Variants in ACTN2 observed in about 807,000 individuals in gnomAD.
The protein encoded by ACTN2 is actinin alpha 2.
ACTN2 carries 39 observed loss-of-function variants against 113.8 expected under a neutral mutation model. That is an observed-to-expected ratio of 0.34 (90% CI 0.27 to 0.45). The LOEUF is 0.45. ACTN2 is among the 20% of genes least tolerant of loss of function. The pLI is 1.00. For synonymous variants in ACTN2, 429 were observed against 444.1 expected, an observed-to-expected ratio of 0.97 and a Z score of 0.43; for missense variants, 992 against 1,177.9, an observed-to-expected ratio of 0.84 and a Z score of 2.31.
intron 12 of ACTN2, 21 bp downstream of exon 12, chr1:236,744,797 T>C (rs1281431822): frequency 1.2e-6 from 2 of 1,613,848 alleles, no homozygotes; most frequent in Admixed American, 1.7e-5. Context: ...ATGCCCTCCG[T>C]CCTCCCGGGA....
intron 2 of ACTN2, 141 bp downstream of exon 2, chr1:236,718,113 G>T (rs1015135834): frequency 1.4e-6 from 1 of 690,026 alleles, no homozygotes; most frequent in Non-Finnish European, 2.6e-6. Context: ...CCTTTCCAAA[G>T]AACAATCTGC....
At chr1:236,745,378 G>A (rs61831787) in intron 12 of ACTN2, among the ~76,000 whole-genome samples, 214 of 152,320 alleles carry the variant, frequency 1.4e-3, no homozygotes, top group Non-Finnish European at 2.5e-3. Context: ...AGCTTGCAGT[G>A]AGCCGAGATC....
At chr1:236,759,642 C>T (rs1659649046) in intron 18 of ACTN2, 82 bp from the exon 19 acceptor site, 3 of 1,207,948 alleles carry the variant, frequency 2.5e-6, no homozygotes, top group Non-Finnish European at 3.7e-6. Context: ...GCTTCTCTTA[C>T]CAGATCTTTG....
rs1324637027 is a variant in ACTN2 at position 236,755,024 on chromosome 1, T to A, written c.1980T>A (p.Ile660=). The A allele has an allele frequency of 4.6e-5, 74 of 1,614,182 alleles. No individual in the cohort carries two copies. The highest frequency in any genetic ancestry group is 6.2e-5 in the Non-Finnish European group (73 of 1,180,038). The change falls in exon 17 of 21, where the codon ATT becomes ATA. Residue 660 remains isoleucine (I), a synonymous_variant. Coordinates refer to ENST00000366578, the MANE Select transcript of ACTN2 (RefSeq NM_001103.4). Reference sequence around the variant, plus strand: ...TGCTCACTCGCCCCCCTCAGGAGATTGCCCGGAGCTCCATCCAGATCACAG... The same window carrying A: ...TGCTCACTCGCCCCCCTCAGGAGATAGCCCGGAGCTCCATCCAGATCACAG... ...GPWIQNKMEE[I]ARSSIQITGA...
intron 7 of ACTN2, among the ~76,000 whole-genome samples, chr1:236,733,633 G>A (rs946157541): frequency 6.6e-6 from 1 of 151,268 alleles, no homozygotes; most frequent in Non-Finnish European, 1.5e-5. Context: ...TGTAGAGCGT[G>A]CGGTGGCATC....
intron 14 of ACTN2, 82 bp from the exon 15 acceptor site, chr1:236,751,388 T>A: frequency 6.6e-7 from 1 of 1,513,520 alleles, no homozygotes; most frequent in South Asian, 1.2e-5. Flanking sequence ...AGGCATTTAC[T>A]TGTGTGCGGA....
At chr1:236,718,855 C>T (rs1320934971) in intron 2 of ACTN2, 39 bp from the exon 3 acceptor site, 1 of 1,614,062 alleles carries the variant, frequency 6.2e-7, no homozygotes, top group East Asian at 2.2e-5. Flanking sequence ...CAAGAGGTCA[C>T]TGTCTCTATG....
chr1:236,736,487 C>T (rs916426445), intron 8 of ACTN2: 3 of 1,016,612 alleles, frequency 3.0e-6, no homozygotes, highest in Non-Finnish European at 4.3e-6. Flanking sequence ...CGCTTTGCCA[C>T]TCCTGCCCCA....
chr1:236,702,655 G>A (rs1303257217), intron 1 of ACTN2, among the ~76,000 whole-genome samples: 2 of 152,194 alleles, frequency 1.3e-5, no homozygotes, highest in African/African-American at 4.8e-5. Flanking sequence ...ACTCTTGGAG[G>A]AGGAAATCCC....
intron 1 of ACTN2, among the ~76,000 whole-genome samples, chr1:236,690,657 G>A (rs574341316): frequency 5.8e-4 from 88 of 152,280 alleles, no homozygotes; most frequent in African/African-American, 2.0e-3. Context: ...CTTGTGCGCC[G>A]AATATTTGTT....
intron 1 of ACTN2, among the ~76,000 whole-genome samples, chr1:236,716,983 C>T (rs887877553): frequency 2.0e-5 from 3 of 151,768 alleles, no homozygotes; most frequent in Non-Finnish European, 4.4e-5. Flanking sequence ...TACAGGCACA[C>T]GTTACCACAC....
At chr1:236,689,516 T>C (rs1350272726) in intron 1 of ACTN2, among the ~76,000 whole-genome samples, 2 of 151,908 alleles carry the variant, frequency 1.3e-5, no homozygotes, top group East Asian at 1.9e-4. Flanking sequence ...ACATGGCTAA[T>C]TTTTTTATTT....
intron 8 of ACTN2, among the ~76,000 whole-genome samples, chr1:236,736,299 T>C (rs1179083332): frequency 6.6e-6 from 1 of 152,254 alleles, no homozygotes; most frequent in East Asian, 1.9e-4. Context: ...TGGAGGATCT[T>C]GATAGACTGC....
chr1:236,725,565 T>G (rs1658523143), intron 4 of ACTN2, among the ~76,000 whole-genome samples: 1 of 152,024 alleles, frequency 6.6e-6, no homozygotes, highest in Admixed American at 6.6e-5. Flanking sequence ...AGGCAGAGGT[T>G]GCAGTGAGCC....
At chr1:236,696,599 A>G (rs1255536536) in intron 1 of ACTN2, among the ~76,000 whole-genome samples, 1 of 151,984 alleles carries the variant, frequency 6.6e-6, no homozygotes, top group Non-Finnish European at 1.5e-5. Flanking sequence ...GATGCTGACC[A>G]TTTTGACCTC....
In ACTN2 at chr1:236,744,668, C is replaced by T. The variant is rs143749154; in HGVS notation, c.1298C>T (p.Ser433Leu). The T allele has an allele frequency of 5.1e-4, 831 of 1,614,214 alleles. 5 individuals are homozygous for T. In the African/African-American group the frequency reaches 8.8e-3, roughly 17 times the overall value. The change falls in exon 12 of 21, where the codon TCG becomes TTG. Residue 433 changes from serine to leucine, a missense_variant. By Grantham distance (145) the Ser-to-Leu change is moderately radical. Around this residue, in one of 3 missense-constraint regions of ACTN2, gnomAD observed 736 missense variants for 815.4 expected, o/e 0.90. Transcript: ENST00000366578. The stretch of plus-strand genomic sequence containing the variant: ...CTGCAGAAGGATTACGAGTCGGCGT[C>T]GCTGACAGAGGTGCGGGCTCTGCTG... ...ILLQKDYESASLTEVRALLRK... is the reference protein window; with the variant it reads ...ILLQKDYESALLTEVRALLRK...
intron 5 of ACTN2, among the ~76,000 whole-genome samples, chr1:236,727,213 A>C (rs139651775): frequency 6.6e-6 from 1 of 152,254 alleles, no homozygotes; most frequent in African/African-American, 2.4e-5. Flanking sequence ...AAGACAGAGG[A>C]GTATCTGGGA....
Position 236,744,663 on chromosome 1 carries a change from G to A in ACTN2, c.1293G>A (p.Ser431=), listed in dbSNP as rs144819985. ...EQILLQKDYE[S]ASLTEVRALL... is the part of the protein sequence containing the mutation. ...TCTTGCTGCAGAAGGATTACGAGTCGGCGTCGCTGACAGAGGTGCGGGCTC... is the reference window on the plus strand; with the variant it reads ...TCTTGCTGCAGAAGGATTACGAGTCAGCGTCGCTGACAGAGGTGCGGGCTC... Residue 431 remains serine, a synonymous_variant, in exon 12 of 21, where the codon TCG becomes TCA. Coordinates refer to ENST00000366578, the MANE Select transcript of ACTN2 (RefSeq NM_001103.4). 3.8e-5 allele frequency: 62 copies of A among 1,614,058 alleles called. No homozygotes were observed. The African/African-American group carries it at 6.3e-4, about 16-fold the overall frequency.
chr1:236,719,188 G>A (rs1658310038), intron 3 of ACTN2, among the ~76,000 whole-genome samples, 175 bp downstream of exon 3: 1 of 152,202 alleles, frequency 6.6e-6, no homozygotes, highest in African/African-American at 2.4e-5. Context: ...GGTACCATGA[G>A]TGGGAGACCA....
Sources: allele counts gnomAD v4.1 joint callset (sites outside exome capture counted in the v4.1 genomes callset), GRCh38; gene constraint gnomAD v4.1.1; regional missense constraint gnomAD v4.1.1; transcripts MANE v1.5; gene names NCBI Gene and HGNC (gene_info 2026-07-23, HGNC 2026-07-21).